Variants in MCF2 observed in about 807,000 individuals in gnomAD.
MCF2 encodes the protein MCF.2 cell line derived transforming sequence.
Under a neutral mutation model 82.5 loss-of-function variants are expected in MCF2, and 44 were observed. The observed-to-expected ratio is 0.53, with a 90% CI of 0.42 to 0.69. MCF2 has a LOEUF of 0.69. MCF2 is among the 30% of genes least tolerant of loss of function. The pLI, the probability that MCF2 is intolerant of heterozygous loss-of-function variation, is 0.00. For missense variants in MCF2, 623 were observed against 663.1 expected (o/e 0.94, Z 0.66); for synonymous variants, 217 against 224.9 (o/e 0.96, Z 0.32).
At chrX:139,606,901 A>T (rs1311483612) in intron 12 of MCF2, among the ~76,000 whole-genome samples, 1 of 110,925 alleles carries the variant, frequency 9.0e-6, no homozygotes, top group Non-Finnish European at 1.9e-5. Flanking sequence ...TATCTCATAC[A>T]TACATATGTA....
chrX:139,646,772 G>T, upstream of MCF2: 1 of 903,354 alleles, frequency 1.1e-6, no homozygotes, highest in Non-Finnish European at 1.5e-6. Context: ...TGAAAAAAAT[G>T]TAATGAAATA....
chrX:139,612,204 T>G (rs750330480), intron 10 of MCF2, among the ~76,000 whole-genome samples: 4 of 110,844 alleles, frequency 3.6e-5, no homozygotes, highest in African/African-American at 1.3e-4. Flanking sequence ...GGTCCCAGGC[T>G]TGGGCAACTG....
At position 139,588,557 on chromosome X, in the gene MCF2, T is replaced by C; in HGVS notation, c.2371-119A>G. On this transcript the variant is annotated intron_variant, in intron 20 of 24. Transcript: ENST00000370576. ...ATATGATCTACTCCCTATAACACCA[T>C]ACTCAAATCTTAACCGTTTGATTGT... The C allele has an allele frequency of 9.5e-6, 4 of 420,082 alleles. No individual in the cohort carries two copies. In the South Asian group the frequency reaches 2.3e-4, roughly 24 times the overall value. 34.6% of individuals were successfully genotyped at this position (420,082 alleles called of 1,213,427 possible).
At chrX:139,597,377 T>G (rs755383259) in intron 18 of MCF2, 83 bp downstream of exon 22, 6 of 713,545 alleles carry the variant, frequency 8.4e-6, no homozygotes, top group Non-Finnish European at 1.3e-5. Context: ...TTATACGTTA[T>G]TTCTCAATTG....
chrX:139,669,199 G>T (rs1022779398), intron 1 of MCF2, among the ~76,000 whole-genome samples: 9 of 111,572 alleles, frequency 8.1e-5, no homozygotes, highest in African/African-American at 2.9e-4. Context: ...AAAAGACAAA[G>T]AATTGAGTTA....
intron 1 of MCF2, chrX:139,691,989 G>T (rs1250019338): frequency 1.7e-6 from 2 of 1,166,025 alleles, no homozygotes; most frequent in Non-Finnish European, 2.3e-6. Flanking sequence ...GCGCTGCAGG[G>T]CCATGGCCAT....
intron 23 of MCF2, among the ~76,000 whole-genome samples, chrX:139,586,143 TAA>T (rs1194243322): frequency 9.0e-6 from 1 of 111,527 alleles, no homozygotes; most frequent in Non-Finnish European, 1.9e-5. Context: ...TTGTCTTCTG[TAA>T]AAGTTTCCAG....
At chrX:139,646,300 A>T (rs768045235), upstream of MCF2, among the ~76,000 whole-genome samples, 6 of 111,571 alleles carry the variant, frequency 5.4e-5, no homozygotes, top group South Asian at 2.3e-3. Context: ...TAACACACAT[A>T]AAATCTCTAA....
chrX:139,696,767 A>G (rs1935394225), intron 1 of MCF2, among the ~76,000 whole-genome samples: 1 of 111,808 alleles, frequency 8.9e-6, no homozygotes, highest in African/African-American at 3.3e-5. Flanking sequence ...GAGATAGGCA[A>G]TAAAAGTAAA....
At chrX:139,622,342 A>C (rs1049402252) in intron 6 of MCF2, among the ~76,000 whole-genome samples, 3 of 111,788 alleles carry the variant, frequency 2.7e-5, no homozygotes, top group African/African-American at 9.8e-5. Flanking sequence ...GGGATCTAGA[A>C]CTAGAAATAC....
intron 1 of MCF2, among the ~76,000 whole-genome samples, chrX:139,707,358 G>A (rs1935610427): frequency 9.0e-6 from 1 of 111,152 alleles, no homozygotes; most frequent in Non-Finnish European, 1.9e-5. Flanking sequence ...AGAATAAAAT[G>A]TGGTTTTGCC....
At chrX:139,586,717 C>T (rs948075931) in intron 22 of MCF2, among the ~76,000 whole-genome samples, 6 of 111,173 alleles carry the variant, frequency 5.4e-5, no homozygotes, top group African/African-American at 2.0e-4. Flanking sequence ...AGAAAAACTA[C>T]TCCCTTCTAG....
chrX:139,596,887 T>C (rs776044564), intron 18 of MCF2, 117 bp from the exon 23 acceptor site: 607 of 506,445 alleles, frequency 1.2e-3, no homozygotes, highest in Non-Finnish European at 1.8e-3. Flanking sequence ...TTTATGTTTT[T>C]TTAAAAACTT....
At chrX:139,665,907 A>G (rs867535608) in intron 1 of MCF2, among the ~76,000 whole-genome samples, 17 of 78,722 alleles carry the variant, frequency 2.2e-4, no homozygotes, top group African/African-American at 1.1e-3. Context: ...GTATATATAT[A>G]TATATATATA....
At chrX:139,638,763 T>A (rs763575256) in intron 1 of MCF2, among the ~76,000 whole-genome samples, 1 of 111,945 alleles carries the variant, frequency 8.9e-6, no homozygotes, top group Non-Finnish European at 1.9e-5. Flanking sequence ...GCTTCATAGA[T>A]CTGAACATCA....
At chrX:139,703,407 A>T (rs1733187191) in intron 1 of MCF2, among the ~76,000 whole-genome samples, 1 of 111,823 alleles carries the variant, frequency 8.9e-6, no homozygotes, top group African/African-American at 3.3e-5. Flanking sequence ...GTCCAATATC[A>T]CACAGGAATC....
chrX:139,639,256 A>AT (rs1191080576), intron 1 of MCF2, among the ~76,000 whole-genome samples: 1 of 112,029 alleles, frequency 8.9e-6, no homozygotes, highest in Non-Finnish European at 1.9e-5. Flanking sequence ...AAGCAAAGGG[A>AT]TTTGGGCAAA....
chrX:139,584,383 G>A (rs1442739926), intron 24 of MCF2, among the ~76,000 whole-genome samples: 5 of 110,696 alleles, frequency 4.5e-5, no homozygotes, highest in African/African-American at 1.3e-4. Context: ...CCTCTGAAGG[G>A]CACCAAGGAG....
exon 8 of MCF2, chrX:139,617,516 C>T (rs770296618): frequency 8.5e-7 from 1 of 1,173,257 alleles, no homozygotes. Context: ...ACACTACCTG[C>T]TGTAGGAGTT....
Sources: gnomAD v4.1 joint callset for allele counts (sites outside exome capture counted in the v4.1 genomes callset) on GRCh38, gnomAD v4.1.1 for gene constraint, MANE v1.5 for transcripts, NCBI Gene and HGNC (gene_info 2026-07-23, HGNC 2026-07-21) for gene names.